The following NCKAP5 variants were observed in gnomAD, a reference collection of about 807,000 sequenced individuals.
NCKAP5 encodes the protein NCK associated protein 5.
Under a neutral mutation model 167.0 loss-of-function variants are expected in NCKAP5, and 92 were observed. That is an observed-to-expected ratio of 0.55 (90% CI 0.47 to 0.66). The LOEUF (loss-of-function observed/expected upper bound fraction) is 0.66, where lower values mean the gene tolerates loss of function less well. NCKAP5 is among the 30% of genes least tolerant of loss of function. The pLI is 0.00. For missense variants in NCKAP5, 2,378 were observed against 2,315.0 expected, an observed-to-expected ratio of 1.03 and a Z score of -0.56; for synonymous variants, 891 against 877.4, an observed-to-expected ratio of 1.02 and a Z score of -0.27.
At chr2:133,085,089 G>A (rs1427840469) in intron 6 of NCKAP5, among the ~76,000 whole-genome samples, 2 of 152,286 alleles carry the variant, frequency 1.3e-5, no homozygotes, top group African/African-American at 4.8e-5. Context: ...CAGTCAGGGT[G>A]GGGAGATGGG....
rs927612645 is a variant in NCKAP5 at position 133,552,745 on chromosome 2, T to C, written c.-62+6305A>G. On this transcript the variant is annotated intron_variant, in intron 2 of 19. Coordinates refer to ENST00000409261, the MANE Select transcript of NCKAP5 (RefSeq NM_207363.3). ...ATGTACCCTAAAACTTAAAGTATAA[T>C]AAAAAAAAAAGAAAAAGAAAAAAAA... Among the ~76,000 whole-genome samples the C allele has an allele frequency of 2.5e-4, 30 of 119,470 alleles. 1 individual carries two copies. The highest frequency in any genetic ancestry group is 2.0e-3 in the East Asian group (9 of 4,450). 78.4% of individuals were successfully genotyped at this position (119,470 alleles called of 152,430 possible).
the NCKAP5 span, among the ~76,000 whole-genome samples, chr2:133,619,185 T>G: frequency 1.5e-5 from 2 of 136,036 alleles, no homozygotes; most frequent in Non-Finnish European, 1.6e-5. Flanking sequence ...GGGATAGCAT[T>G]GGGAGATATA....
intron 4 of NCKAP5, among the ~76,000 whole-genome samples, chr2:133,277,054 C>T (rs1273868499): frequency 6.6e-6 from 1 of 152,098 alleles, no homozygotes; most frequent in African/African-American, 2.4e-5. Context: ...ATATCATGCA[C>T]ACATATGCTT....
chr2:133,614,986 G>T, the NCKAP5 span, among the ~76,000 whole-genome samples: 1 of 152,220 alleles, frequency 6.6e-6, no homozygotes, highest in South Asian at 2.1e-4. Context: ...GAGAGTGGGG[G>T]CCAATATTCA....
At chr2:132,853,903 T>C (rs905621825) in intron 11 of NCKAP5, among the ~76,000 whole-genome samples, 26 of 152,220 alleles carry the variant, frequency 1.7e-4, no homozygotes, top group African/African-American at 6.3e-4. Flanking sequence ...CCTTCTTCAC[T>C]TTAAATACAC....
chr2:133,007,558 G>A (rs1182641242), intron 6 of NCKAP5, among the ~76,000 whole-genome samples: 1 of 152,180 alleles, frequency 6.6e-6, no homozygotes, highest in Non-Finnish European at 1.5e-5. Context: ...ACCTCTCAGT[G>A]ACTGACTTAC....
chr2:133,131,548 G>A (rs553024415), intron 5 of NCKAP5, among the ~76,000 whole-genome samples: 1 of 152,250 alleles, frequency 6.6e-6, no homozygotes, highest in East Asian at 1.9e-4. Flanking sequence ...AGTAGTGCTG[G>A]AAATATATTT....
chr2:133,047,375 A>T (rs1192057522), intron 6 of NCKAP5, among the ~76,000 whole-genome samples: 1 of 152,232 alleles, frequency 6.6e-6, no homozygotes, highest in Non-Finnish European at 1.5e-5. Flanking sequence ...ATAGTCATTA[A>T]CGTTGCCAAG....
Position 133,441,777 on chromosome 2 carries a change from T to A in NCKAP5, c.69+75681A>T, listed in dbSNP as rs1690876714. Among the ~76,000 whole-genome samples the A allele has an allele frequency of 1.3e-5, 2 of 152,374 alleles. 1 individual carries two copies. Among genetic ancestry groups the A allele is most frequent in the Admixed American group, 1.3e-4 (2 of 15,312 alleles). On this transcript the variant is annotated intron_variant, in intron 3 of 19. Transcript: ENST00000409261. ...TGCCTCCTCTTCCCTTTCCTTTAAATGAGGTCTTCATAGGATATCTCAGTT... is the reference window on the plus strand; with the variant it reads ...TGCCTCCTCTTCCCTTTCCTTTAAAAGAGGTCTTCATAGGATATCTCAGTT...
chr2:133,516,837 C>G lies in NCKAP5; in HGVS notation c.69+621G>C, dbSNP rs2043235. 2.2e-3 allele frequency among the ~76,000 whole-genome samples: 340 copies of G among 152,318 alleles called. 2 individuals are homozygous for G. The highest frequency in any genetic ancestry group is 2.7e-3 in the East Asian group (14 of 5,192). ...ACGCATTGCGTAACAGAAAAGGTGACCCACACATGTTGGCCCAGAGACTGC... is the reference window on the plus strand; with the variant it reads ...ACGCATTGCGTAACAGAAAAGGTGAGCCACACATGTTGGCCCAGAGACTGC... On this transcript the variant is annotated intron_variant, in intron 3 of 19. Transcript: ENST00000409261.
At chr2:133,628,741 A>G in the NCKAP5 span, among the ~76,000 whole-genome samples, 1 of 152,228 alleles carries the variant, frequency 6.6e-6, no homozygotes, top group Admixed American at 6.5e-5. Flanking sequence ...TTCAAACTAT[A>G]CAAGGCTACA....
chr2:133,135,378 A>G (rs529718722), intron 5 of NCKAP5, among the ~76,000 whole-genome samples: 51 of 152,202 alleles, frequency 3.4e-4, no homozygotes, highest in Non-Finnish European at 6.5e-4. Flanking sequence ...GAGCCAGGGG[A>G]CAGGAGTGGC....
intron 5 of NCKAP5, among the ~76,000 whole-genome samples, chr2:133,185,462 A>T (rs1239337328): frequency 1.3e-5 from 2 of 151,884 alleles, no homozygotes; most frequent in Non-Finnish European, 2.9e-5. Context: ...TTGGTTCCAT[A>T]TACATTTTAG....
chr2:133,496,111 A>C (rs1363640673), intron 3 of NCKAP5, among the ~76,000 whole-genome samples: 1 of 152,206 alleles, frequency 6.6e-6, no homozygotes, highest in African/African-American at 2.4e-5. Context: ...TGCAGACGTT[A>C]CTTGCTTAAC....
At chr2:132,970,678 C>T (rs1258431861) in intron 7 of NCKAP5, among the ~76,000 whole-genome samples, 1 of 152,176 alleles carries the variant, frequency 6.6e-6, no homozygotes, top group Non-Finnish European at 1.5e-5. Flanking sequence ...GTAAGTTTCC[C>T]TAAGTGGTAT....
intron 6 of NCKAP5, among the ~76,000 whole-genome samples, chr2:133,017,900 A>T (rs182524785): frequency 2.3e-3 from 349 of 152,302 alleles, no homozygotes; most frequent in Middle Eastern, 6.8e-3. Flanking sequence ...GTTATACAAG[A>T]TGGTAAAAAA....
At chr2:133,653,957 AC>A in the NCKAP5 span, among the ~76,000 whole-genome samples, 1 of 152,120 alleles carries the variant, frequency 6.6e-6, no homozygotes, top group Admixed American at 6.6e-5. Flanking sequence ...AACTATTAAG[AC>A]CCAGAATTAT....
intron 4 of NCKAP5, among the ~76,000 whole-genome samples, chr2:133,288,911 A>C (rs1474653632): frequency 6.6e-6 from 1 of 152,168 alleles, no homozygotes; most frequent in Non-Finnish European, 1.5e-5. Context: ...TGACAGGTAA[A>C]AATTATAGAT....
chr2:132,938,612 G>A (rs1434752109), intron 8 of NCKAP5, among the ~76,000 whole-genome samples: 2 of 152,148 alleles, frequency 1.3e-5, no homozygotes, highest in African/African-American at 4.8e-5. Flanking sequence ...TGTGTAAAGG[G>A]CCCCCTTTCC....
Sources: allele counts gnomAD v4.1 joint callset (sites outside exome capture counted in the v4.1 genomes callset), GRCh38; gene constraint gnomAD v4.1.1; transcripts MANE v1.5; gene names NCBI Gene and HGNC (gene_info 2026-07-23, HGNC 2026-07-21).